ADK: variants seen among roughly 807,000 people sequenced by gnomAD.
ADK encodes the protein adenosine kinase.
A neutral mutation model predicts 44.7 loss-of-function variants in ADK; 24 were observed. The ratio of observed to expected loss-of-function variants is 0.54; its 90% CI spans 0.39 to 0.76. The LOEUF (loss-of-function observed/expected upper bound fraction) is 0.76, where lower values mean the gene tolerates loss of function less well. ADK is among the 30% of genes least tolerant of loss of function. The pLI is 0.00. For synonymous variants in ADK, 128 were observed against 142.6 expected, an observed-to-expected ratio of 0.90 and a Z score of 0.73; for missense variants, 321 against 425.1, an observed-to-expected ratio of 0.76 and a Z score of 2.15.
At chr10:74,702,887 G>A (rs1441244320) in intron 10 of ADK, among the ~76,000 whole-genome samples, 3 of 151,916 alleles carry the variant, frequency 2.0e-5, no homozygotes, top group African/African-American at 4.8e-5. Flanking sequence ...GTGAGCCACC[G>A]TGCCTGGCCT....
intron 6 of ADK, among the ~76,000 whole-genome samples, chr10:74,416,857 A>G (rs1328177391): frequency 6.6e-6 from 1 of 152,074 alleles, no homozygotes; most frequent in African/African-American, 2.4e-5. Flanking sequence ...ATTTTATTTC[A>G]TCTTTTCCAG....
intron 6 of ADK, among the ~76,000 whole-genome samples, chr10:74,439,600 G>C (rs1241052615): frequency 6.6e-6 from 1 of 152,086 alleles, no homozygotes; most frequent in Non-Finnish European, 1.5e-5. Context: ...TTTGTTGAAA[G>C]ATATATTAAT....
Position 74,266,718 on chromosome 10 carries a change from C to G in ADK, c.194+42127C>G, listed in dbSNP as rs897254277. 3.3e-5 allele frequency among the ~76,000 whole-genome samples: 5 copies of G among 152,106 alleles called. No homozygotes were observed. In the Middle Eastern group the frequency reaches 0.014, roughly 414 times the overall value. On this transcript the variant is annotated intron_variant, in intron 3 of 10. Coordinates refer to ENST00000539909, the MANE Select transcript of ADK (RefSeq NM_006721.4). Reference sequence around the variant, plus strand: ...GAATTTGCATTGTAAAGAAGTTTGTCCACCAAATAAACTGTGTTTTAAAAG... The same window carrying G: ...GAATTTGCATTGTAAAGAAGTTTGTGCACCAAATAAACTGTGTTTTAAAAG...
chr10:74,417,994 T>C (rs1844433045), intron 6 of ADK, among the ~76,000 whole-genome samples: 2 of 152,200 alleles, frequency 1.3e-5, no homozygotes, highest in Non-Finnish European at 2.9e-5. Flanking sequence ...TATTTATATA[T>C]ACAAATAATT....
chr10:74,392,901 T>A (rs1391450564), intron 4 of ADK, among the ~76,000 whole-genome samples: 4 of 152,174 alleles, frequency 2.6e-5, no homozygotes, highest in African/African-American at 9.6e-5. Context: ...TTGCTGGGAT[T>A]TTTGAATGGC....
intron 9 of ADK, among the ~76,000 whole-genome samples, chr10:74,630,401 T>C (rs1227630131): frequency 6.6e-6 from 1 of 151,728 alleles, no homozygotes; most frequent in Admixed American, 6.6e-5. Flanking sequence ...TCTTTTATTC[T>C]GTTACTATCT....
At chr10:74,644,350 T>A (rs945851315) in intron 9 of ADK, among the ~76,000 whole-genome samples, 1 of 152,216 alleles carries the variant, frequency 6.6e-6, no homozygotes, top group African/African-American at 2.4e-5. Context: ...ATGAGTTCAG[T>A]TAAGAGGGGC....
At chr10:74,356,897 C>T (rs1842165486) in intron 4 of ADK, among the ~76,000 whole-genome samples, 1 of 151,974 alleles carries the variant, frequency 6.6e-6, no homozygotes, top group Non-Finnish European at 1.5e-5. Context: ...CATGTCCCTC[C>T]CTGGAGACGT....
chr10:74,178,422 A>T (rs962528290), intron 1 of ADK, among the ~76,000 whole-genome samples: 1 of 152,164 alleles, frequency 6.6e-6, no homozygotes, highest in African/African-American at 2.4e-5. Flanking sequence ...AGGCTATTAT[A>T]CCCAGAGTTA....
At chr10:74,360,900 C>A (rs1019945537) in intron 4 of ADK, among the ~76,000 whole-genome samples, 9 of 152,036 alleles carry the variant, frequency 5.9e-5, no homozygotes, top group African/African-American at 2.2e-4. Context: ...ATTCACCCAC[C>A]CTGTGTCTTT....
chr10:74,411,928 T>A (rs1490345874), intron 6 of ADK, among the ~76,000 whole-genome samples: 1 of 152,234 alleles, frequency 6.6e-6, no homozygotes. Flanking sequence ...GTAGATTCCA[T>A]GTCAAGAAAC....
chr10:74,692,723 A>G (rs4746219), intron 10 of ADK, among the ~76,000 whole-genome samples: 2,639 of 152,306 alleles, frequency 0.017, 69 homozygotes, highest in African/African-American at 0.06. Context: ...AGATATGTAT[A>G]GATACATAGG....
At chr10:74,175,218 CAA>C (rs1161627429) in intron 1 of ADK, among the ~76,000 whole-genome samples, 1 of 151,344 alleles carries the variant, frequency 6.6e-6, no homozygotes, top group African/African-American at 2.4e-5. Context: ...CCGTTTCTAC[CAA>C]AAATACAAAA....
At chr10:74,523,858 A>T (rs16931474) in intron 6 of ADK, among the ~76,000 whole-genome samples, 1 of 152,146 alleles carries the variant, frequency 6.6e-6, no homozygotes, top group Admixed American at 6.5e-5. Flanking sequence ...AAATGTAGAC[A>T]TTTATTAACT....
At chr10:74,391,787 A>G (rs566988104) in intron 4 of ADK, among the ~76,000 whole-genome samples, 13 of 152,180 alleles carry the variant, frequency 8.5e-5, no homozygotes, top group Admixed American at 7.2e-4. Context: ...GTTGTTACAT[A>G]GTCAACCTCT....
chr10:74,469,301 T>C (rs1846473530), intron 6 of ADK, among the ~76,000 whole-genome samples: 1 of 152,206 alleles, frequency 6.6e-6, no homozygotes, highest in Non-Finnish European at 1.5e-5. Context: ...ATTGCACCAC[T>C]GCACTCCAGC....
chr10:74,596,591 G>A (rs1164538394), intron 8 of ADK, among the ~76,000 whole-genome samples: 1 of 150,630 alleles, frequency 6.6e-6, no homozygotes, highest in Non-Finnish European at 1.5e-5. Flanking sequence ...TGTTGCCCAC[G>A]CTGGAGTGCA....
chr10:74,338,277 C>T (rs1440447404), intron 4 of ADK, among the ~76,000 whole-genome samples: 2 of 152,122 alleles, frequency 1.3e-5, no homozygotes, highest in East Asian at 1.9e-4. Context: ...AAAGTAAAAA[C>T]TGGTGAGAAT....
At chr10:74,317,281 C>A (rs920643920) in intron 4 of ADK, among the ~76,000 whole-genome samples, 3 of 152,152 alleles carry the variant, frequency 2.0e-5, no homozygotes, top group Non-Finnish European at 4.4e-5. Context: ...CTTATCTGCT[C>A]AATATCCTGC....
Sources: gnomAD v4.1 joint callset for allele counts (sites outside exome capture counted in the v4.1 genomes callset) on GRCh38, gnomAD v4.1.1 for gene constraint, MANE v1.5 for transcripts, NCBI Gene and HGNC (gene_info 2026-07-23, HGNC 2026-07-21) for gene names.